The following NCKAP5 variants were observed in gnomAD, a reference collection of about 807,000 sequenced individuals.
NCKAP5 encodes NCK associated protein 5.
In NCKAP5, 92 loss-of-function variants were observed where a neutral mutation model predicts 167.0. The observed-to-expected ratio is 0.55, with a 90% CI of 0.47 to 0.66. The LOEUF (loss-of-function observed/expected upper bound fraction) is 0.66. Among genes scored for constraint, NCKAP5 ranks in the 30% least tolerant of loss-of-function variants. NCKAP5 has a pLI of 0.00. For synonymous variants in NCKAP5, 891 were observed against 877.4 expected, an observed-to-expected ratio of 1.02 and a Z score of -0.27; for missense variants, 2,378 against 2,315.0, an observed-to-expected ratio of 1.03 and a Z score of -0.56.
At chr2:133,498,280 G>A (rs370494911) in intron 3 of NCKAP5, among the ~76,000 whole-genome samples, 1 of 152,086 alleles carries the variant, frequency 6.6e-6, no homozygotes, top group Non-Finnish European at 1.5e-5. Flanking sequence ...GGCTGGGGAG[G>A]GGACCCAGAC....
chr2:132,812,256 G>C (rs191535923), intron 11 of NCKAP5, among the ~76,000 whole-genome samples: 1 of 152,304 alleles, frequency 6.6e-6, no homozygotes, highest in Admixed American at 6.5e-5. Context: ...GCCTTGTCTG[G>C]AGCTGCAATC....
At chr2:133,524,962 GTA>G (rs779486772) in intron 2 of NCKAP5, among the ~76,000 whole-genome samples, 22 of 152,132 alleles carry the variant, frequency 1.4e-4, no homozygotes, top group Admixed American at 3.9e-4. Context: ...ATGCGCATGA[GTA>G]TATGAGTGTA....
chr2:133,603,780 A>AC, the NCKAP5 span, among the ~76,000 whole-genome samples: 1 of 141,888 alleles, frequency 7.0e-6, no homozygotes, highest in African/African-American at 2.6e-5. Flanking sequence ...CAAGTGATCC[A>AC]CCTGCCTCGG....
chr2:133,133,864 T>C (rs1342169533), intron 5 of NCKAP5, among the ~76,000 whole-genome samples: 5 of 152,216 alleles, frequency 3.3e-5, no homozygotes, highest in African/African-American at 4.8e-5. Context: ...TCTGTTTCCA[T>C]GGTTAGAAAT....
At chr2:133,526,917 G>GA (rs1297134199) in intron 2 of NCKAP5, 1 of 152,150 alleles carries the variant, frequency 6.6e-6, no homozygotes, top group East Asian at 1.9e-4. Context: ...AGTGGCTAGG[G>GA]AAAAGAATTT....
intron 5 of NCKAP5, among the ~76,000 whole-genome samples, chr2:133,181,034 C>A (rs941919225): frequency 6.6e-6 from 1 of 151,898 alleles, no homozygotes; most frequent in South Asian, 2.1e-4. Flanking sequence ...CTTGGAACAT[C>A]GGGGGAAAGA....
chr2:133,657,087 T>A, the NCKAP5 span, among the ~76,000 whole-genome samples: 1 of 152,246 alleles, frequency 6.6e-6, no homozygotes, highest in Admixed American at 6.5e-5. Flanking sequence ...CAACTGGAGA[T>A]GTCTTTTATT....
At chr2:132,905,288 G>A (rs1393227408) in intron 8 of NCKAP5, among the ~76,000 whole-genome samples, 6 of 152,074 alleles carry the variant, frequency 3.9e-5, no homozygotes, top group African/African-American at 1.2e-4. Flanking sequence ...CAAGACTTAT[G>A]GCAGCATGGC....
chr2:132,838,838 T>C (rs1426956919), intron 11 of NCKAP5, among the ~76,000 whole-genome samples: 2 of 152,192 alleles, frequency 1.3e-5, no homozygotes, highest in African/African-American at 2.4e-5. Context: ...CATTTACATA[T>C]ATGGGAGTAC....
chr2:133,574,079 G>C, the NCKAP5 span, among the ~76,000 whole-genome samples: 1 of 152,134 alleles, frequency 6.6e-6, no homozygotes, highest in Non-Finnish European at 1.5e-5. Flanking sequence ...ACCTGATTCT[G>C]GGAGGCCATT....
intron 7 of NCKAP5, 71 bp from the exon 8 acceptor site, chr2:132,963,940 G>T (rs2076590663): frequency 6.4e-7 from 1 of 1,550,850 alleles, no homozygotes. Flanking sequence ...AGGCTGAAAA[G>T]GCTGGAATCA....
chr2:133,519,088 A>T (rs1684264000), intron 2 of NCKAP5, among the ~76,000 whole-genome samples: 1 of 152,186 alleles, frequency 6.6e-6, no homozygotes, highest in Admixed American at 6.5e-5. Flanking sequence ...GGCCCACAGG[A>T]TGTGGGCTGT....
chr2:133,520,035 A>T (rs541938345), intron 2 of NCKAP5, among the ~76,000 whole-genome samples: 26 of 152,180 alleles, frequency 1.7e-4, no homozygotes, highest in South Asian at 4.2e-4. Flanking sequence ...AAAATAAAAA[A>T]AAAAAATTAG....
intron 3 of NCKAP5, among the ~76,000 whole-genome samples, chr2:133,385,759 T>G (rs1686907637): frequency 6.6e-6 from 1 of 152,212 alleles, no homozygotes; most frequent in African/African-American, 2.4e-5. Flanking sequence ...TTCAACTTCT[T>G]CCTGGTTTAG....
intron 3 of NCKAP5, among the ~76,000 whole-genome samples, chr2:133,500,913 G>C (rs1682450472): frequency 6.6e-6 from 1 of 152,166 alleles, no homozygotes; most frequent in Admixed American, 6.5e-5. Flanking sequence ...GGGTCCCTAT[G>C]CTTGATTAAT....
chr2:133,187,084 T>C (rs1308646848), intron 5 of NCKAP5, among the ~76,000 whole-genome samples: 3 of 152,074 alleles, frequency 2.0e-5, no homozygotes, highest in African/African-American at 4.8e-5. Flanking sequence ...TTGATGAAGG[T>C]GTTTAATGCT....
chr2:132,979,984 C>T (rs1573622017), intron 7 of NCKAP5, among the ~76,000 whole-genome samples: 1 of 146,074 alleles, frequency 6.8e-6, no homozygotes. Context: ...TTTTCTTTTT[C>T]TTTTTCTTTT....
the NCKAP5 span, among the ~76,000 whole-genome samples, chr2:133,580,944 C>T: frequency 6.6e-6 from 1 of 152,006 alleles, no homozygotes; most frequent in Non-Finnish European, 1.5e-5. Flanking sequence ...TTCTGGAAAC[C>T]CTAAGTGACA....
At position 133,308,741 on chromosome 2, in the gene NCKAP5, G is replaced by A. The variant is rs1178017574; in HGVS notation, c.70-5631C>T. 6.5e-5 allele frequency among the ~76,000 whole-genome samples: 7 copies of A among 108,232 alleles called. No individual in the cohort carries two copies. The East Asian group carries it at 8.4e-4, about 13-fold the overall frequency. The allele number at this position is 108,232 out of a possible 152,430, so 71.0% of individuals were successfully genotyped here. ...TTTTGAGACGGAGTCTTGCTCTGTCGCCCAGGCCGGACTGCGGACTGCAGT... is the reference window on the plus strand; with the variant it reads ...TTTTGAGACGGAGTCTTGCTCTGTCACCCAGGCCGGACTGCGGACTGCAGT... On this transcript the variant is annotated intron_variant, in intron 3 of 19. Transcript: ENST00000409261.
Sources: allele counts gnomAD v4.1 joint callset (sites outside exome capture counted in the v4.1 genomes callset), GRCh38; gene constraint gnomAD v4.1.1; transcripts MANE v1.5; gene names NCBI Gene and HGNC (gene_info 2026-07-23, HGNC 2026-07-21).